Variants in PODNL1 observed in about 807,000 individuals in gnomAD.
PODNL1 encodes the protein podocan like 1.
In PODNL1, 50 loss-of-function variants were observed where a neutral mutation model predicts 45.1. That is an observed-to-expected ratio of 1.11 (90% CI 0.88 to 1.40). The LOEUF (loss-of-function observed/expected upper bound fraction) is 1.40, where lower values mean the gene tolerates loss of function less well. Among genes scored for constraint, PODNL1 ranks in the 40% most tolerant of loss-of-function variants. PODNL1 has a pLI of 0.00. For synonymous variants in PODNL1, 406 were observed against 372.5 expected, an observed-to-expected ratio of 1.09 and a Z score of -1.04; for missense variants, 788 against 793.3, an observed-to-expected ratio of 0.99 and a Z score of 0.08.
Position 13,931,630 on chromosome 19 carries a change from G to C in PODNL1, c.*107C>G. On this transcript the variant is annotated 3_prime_UTR_variant, in exon 10 of 10. Coordinates refer to ENST00000588872, the MANE Select transcript of PODNL1 (RefSeq NM_001370095.3). The stretch of plus-strand genomic sequence containing the variant: ...GGCAGGCAGAGCAGGCCCAGCCCTG[G>C]AGGCCCAGGAGAGCCAGACCAAGGG... 8.7e-7 allele frequency: 1 copy of C among 1,151,082 alleles called. No individual in the cohort carries two copies. Among genetic ancestry groups the C allele is most frequent in the South Asian group, 4.6e-5 (1 of 21,904 alleles). The allele number at this position is 1,151,082 out of a possible 1,614,324, so 71.3% of individuals were successfully genotyped here. A position where few individuals can be genotyped will look rare whatever the true frequency, so the allele number is the denominator to read the frequency against.
In PODNL1 at chr19:13,931,904, T is replaced by C; in HGVS notation, c.1575-17A>G. On this transcript the variant is annotated splice_polypyrimidine_tract_variant and intron_variant, in intron 9 of 9. Coordinates refer to ENST00000588872, the MANE Select transcript of PODNL1 (RefSeq NM_001370095.3). ...CTGTTGGCCCTGCACAGAGAGGCGG[T>C]CATGACCCTCCCAGGCCCTCCCCTG... The C allele has an allele frequency of 4.1e-6, 5 of 1,231,958 alleles. No individual in the cohort carries two copies. The highest frequency in any genetic ancestry group is 5.1e-6 in the Non-Finnish European group (5 of 987,930). 76.3% of individuals were successfully genotyped at this position (1,231,958 alleles called of 1,614,324 possible).
At chr19:13,946,377 C>T (rs1388039219) in intron 1 of PODNL1, among the ~76,000 whole-genome samples, 1 of 151,698 alleles carries the variant, frequency 6.6e-6, no homozygotes, top group Non-Finnish European at 1.5e-5. Flanking sequence ...TTGCAGTGAG[C>T]CAAGATCGAG....
rs777679884 is a variant in PODNL1, at chr19:13,934,294, G to A, written c.611C>T (p.Pro204Leu). The change falls in exon 6 of 10, where the codon CCG becomes CTG. Residue 204 changes from proline to leucine, a missense_variant. Physicochemically the swap from Pro to Leu is moderately conservative, Grantham distance 98. Coordinates refer to ENST00000588872, the MANE Select transcript of PODNL1 (RefSeq NM_001370095.3). ...CTCGAGTGAGGGCGGCAGGCTGGGC[G>A]GCAGGTAGCTGAGCTGGTTGTTGGA... ...SLSNNQLSYLPPSLPPSLERL... is the reference protein window; with the variant it reads ...SLSNNQLSYLLPSLPPSLERL... 28 of 1,537,076 alleles carry A rather than the reference G, an allele frequency of 1.8e-5. No homozygotes were observed. Among genetic ancestry groups the A allele is most frequent in the South Asian group, 1.4e-4 (11 of 78,714 alleles).
intron 1 of PODNL1, chr19:13,952,747 G>A: frequency 8.3e-7 from 1 of 1,206,228 alleles, no homozygotes. Flanking sequence ...TTGGGGGCGG[G>A]GCCCCAGGGG....
Position 13,936,353 on chromosome 19 carries a change from C to T in PODNL1, c.319+14G>A, listed in dbSNP as rs367661212. ...CTACAGCCCCAGAGAGGCCGCCTCC[C>T]TCTGCCCCCTCACCTTCGGAGGAGA... On this transcript the variant is annotated intron_variant, in intron 3 of 9. Coordinates refer to ENST00000588872, the MANE Select transcript of PODNL1 (RefSeq NM_001370095.3). 4 of 1,605,632 alleles carry T rather than the reference C, an allele frequency of 2.5e-6. No homozygotes were observed. The highest frequency in any genetic ancestry group is 3.4e-6 in the Non-Finnish European group (4 of 1,172,766).
In PODNL1 at chr19:13,932,081, A is replaced by T. The variant is rs1971982334; in HGVS notation, c.1457T>A (p.Phe486Tyr). The T allele has an allele frequency of 8.1e-7, 1 of 1,232,664 alleles. No homozygotes were observed. The highest frequency in any genetic ancestry group is 4.2e-5 in the Admixed American group (1 of 23,756). The allele number at this position is 1,232,664 out of a possible 1,614,324, so 76.4% of individuals were successfully genotyped here. A position where few individuals can be genotyped will look rare whatever the true frequency, so the allele number is the denominator to read the frequency against. Residue 486 changes from phenylalanine (F) to tyrosine (Y), a missense_variant, in exon 9 of 10, where the codon TTT becomes TAT. Physicochemically the swap from Phe to Tyr is conservative, Grantham distance 22. Transcript: ENST00000588872. Reference sequence around the variant, plus strand: ...GGCCTCAGGCAGGTCCGGGGGCACAAAGGACAGCTCATTGTGGCTGAGGTC... The same window carrying T: ...GGCCTCAGGCAGGTCCGGGGGCACATAGGACAGCTCATTGTGGCTGAGGTC... ...MLDLSHNELSFVPPDLPEALE... is the reference protein window; with the variant it reads ...MLDLSHNELSYVPPDLPEALE...
At chr19:13,936,286 T>C in intron 3 of PODNL1, 81 bp downstream of exon 3, 2 of 1,344,168 alleles carry the variant, frequency 1.5e-6, no homozygotes, top group Non-Finnish European at 2.1e-6. Context: ...TGCCCGCAGA[T>C]GGGGCGGGGG....
chr19:13,932,641 C>CACCTCACCATTACAGG, intron 8 of PODNL1, 157 bp downstream of exon 8: 1 of 1,533,460 alleles, frequency 6.5e-7, no homozygotes, highest in Non-Finnish European at 8.8e-7. Context: ...CAGGCATGAG[C>CACCTCACCATTACAGG]CACCTCACCC....
intron 1 of PODNL1, among the ~76,000 whole-genome samples, chr19:13,947,775 T>A (rs1373370402): frequency 6.6e-6 from 1 of 152,224 alleles, no homozygotes; most frequent in Non-Finnish European, 1.5e-5. Flanking sequence ...AACTTCTCTC[T>A]CCTTGCCCCT....
At chr19:13,932,609 G>T in intron 8 of PODNL1, 189 bp downstream of exon 8, 1 of 1,454,326 alleles carries the variant, frequency 6.9e-7, no homozygotes, top group African/African-American at 1.4e-5. Flanking sequence ...TCCTGCCTTG[G>T]CTCCCCAAAG....
intron 1 of PODNL1, among the ~76,000 whole-genome samples, chr19:13,946,717 A>C (rs1272790055): frequency 6.6e-6 from 1 of 152,140 alleles, no homozygotes; most frequent in Non-Finnish European, 1.5e-5. Flanking sequence ...ACAAATACAT[A>C]TACGTATTAA....
At chr19:13,946,957 G>C (rs1460116171) in intron 1 of PODNL1, among the ~76,000 whole-genome samples, 3 of 150,382 alleles carry the variant, frequency 2.0e-5, no homozygotes, top group Non-Finnish European at 4.4e-5. Context: ...AGGCTGAGGT[G>C]GGAGAATTGC....
chr19:13,935,949 GCTCGGCC>G, intron 4 of PODNL1, 24 bp downstream of exon 4: 2 of 1,549,050 alleles, frequency 1.3e-6, no homozygotes, highest in Non-Finnish European at 1.7e-6. Flanking sequence ...CCCTCACTGG[GCTCGGCC>G]TGCGGGTGGG....
At position 13,936,281 on chromosome 19, in the gene PODNL1, G is replaced by A. The variant is rs1383154476; in HGVS notation, c.319+86C>T. ...TCTGGGAACTGCCACAGAGCTGCCC[G>A]CAGATGGGGCGGGGGAGGGGGATGG... On this transcript the variant is annotated intron_variant, in intron 3 of 9. Transcript: ENST00000588872. 60 of 1,319,800 alleles carry A rather than the reference G, an allele frequency of 4.5e-5. 1 individual carries two copies. The highest frequency in any genetic ancestry group is 4.2e-4 in the South Asian group (34 of 81,664). 81.8% of individuals were successfully genotyped at this position (1,319,800 alleles called of 1,614,324 possible). A position where few individuals can be genotyped will look rare whatever the true frequency, so the allele number is the denominator to read the frequency against.
intron 5 of PODNL1, among the ~76,000 whole-genome samples, chr19:13,934,806 TGTAA>T (rs1305316639): frequency 2.6e-5 from 4 of 151,816 alleles, no homozygotes; most frequent in African/African-American, 7.3e-5. Flanking sequence ...TGCATGTGAT[TGTAA>T]GTGTGGGTGT....
At chr19:13,940,967 AC>A (rs1247990648), upstream of PODNL1, among the ~76,000 whole-genome samples, 2 of 152,004 alleles carry the variant, frequency 1.3e-5, no homozygotes, top group Non-Finnish European at 2.9e-5. Flanking sequence ...GATCACATGA[AC>A]CCAGGAGGTT....
chr19:13,932,878 G>A lies in PODNL1; in HGVS notation c.1345C>T (p.Arg449Trp), dbSNP rs773953289. ...PEPLAGLDQLRELSLAHNRLR... is the reference protein window; with the variant it reads ...PEPLAGLDQLWELSLAHNRLR... ...CGGTTGTGCGCCAGGCTGAGCTCCC[G>A]CAGTTGGTCCAGGCCGGCCAGAGGC... is the stretch of plus-strand genomic sequence containing the variant. The change falls in exon 8 of 10, where the codon CGG (arginine) becomes TGG (tryptophan). Residue 449 changes from arginine (R) to tryptophan (W), a missense_variant. Physicochemically the swap from Arg to Trp is moderately radical, Grantham distance 101 (BLOSUM62 -3). Transcript: ENST00000588872. 34 of 1,608,460 alleles carry A rather than the reference G, an allele frequency of 2.1e-5. No individual in the cohort carries two copies. Among genetic ancestry groups the A allele is most frequent in the South Asian group, 4.4e-5 (4 of 90,668 alleles).
Position 13,933,397 on chromosome 19 carries a change from C to G in PODNL1, c.826G>C (p.Ala276Pro). 2.5e-6 allele frequency: 4 copies of G among 1,603,804 alleles called. No homozygotes were observed. The South Asian group carries it at 3.3e-5, about 13-fold the overall frequency. ...LSHNQLTTVP[A>P]GLPRTLAILH... The stretch of plus-strand genomic sequence containing the variant: ...ATAGCCAGGGTCCGGGGCAGGCCGG[C>G]GGGCACTGTGGTCAGCTGGTTGTGG... Residue 276 changes from alanine (A) to proline (P), a missense_variant, in exon 8 of 10, where the codon GCC (alanine) becomes CCC (proline). Physicochemically the swap from Ala to Pro is conservative, Grantham distance 27. Around this residue, in one of 3 missense-constraint regions of PODNL1, gnomAD observed 762 missense variants for 750.9 expected, o/e 1.01. Transcript: ENST00000588872. This position sits in a 1 kb window ranked among gnomAD's most constrained non-coding sequence, Gnocchi z 5.2.
At chr19:13,932,209 C>A in intron 8 of PODNL1, 97 bp from the exon 9 acceptor site, 1 of 1,234,242 alleles carries the variant, frequency 8.1e-7, no homozygotes, top group Middle Eastern at 3.1e-4. Context: ...CTGCCCCCTT[C>A]ATACCAGCCT....
Sources: allele counts gnomAD v4.1 joint callset (sites outside exome capture counted in the v4.1 genomes callset), GRCh38; gene constraint gnomAD v4.1.1; regional missense constraint gnomAD v4.1.1; non-coding constraint Gnocchi (gnomAD v3.1); transcripts MANE v1.5; gene names NCBI Gene and HGNC (gene_info 2026-07-23, HGNC 2026-07-21).